MPPED1: variants seen among roughly 807,000 people sequenced by gnomAD.
MPPED1 encodes metallophosphoesterase domain containing 1.
In MPPED1, 16 loss-of-function variants were observed where a neutral mutation model predicts 36.2. The ratio of observed to expected loss-of-function variants is 0.44; its 90% CI spans 0.30 to 0.67. MPPED1 has a LOEUF of 0.67. Ranked by LOEUF, MPPED1 falls within the 30% of genes least tolerant of loss-of-function variation. The probability of loss-of-function intolerance (pLI) is 0.10; values close to 1 mark genes in which losing one functional copy is unlikely to be tolerated. For missense variants in MPPED1, 307 were observed against 453.4 expected (o/e 0.68, Z 2.93); for synonymous variants, 199 against 191.3 (o/e 1.04, Z -0.33).
Position 43,424,978 on chromosome 22 carries a change from G to A in MPPED1, c.-8G>A, listed in dbSNP as rs371888965. On this transcript the variant is annotated 5_prime_UTR_variant, in exon 2 of 7. Transcript: ENST00000443721. ...GGTGGGAGATGCCGGGGCGGCCGGC[G>A]GAGGTCCATGTGGCGCTCTAGGTGG... 176 of 1,579,500 alleles carry A rather than the reference G, an allele frequency of 1.1e-4. 1 individual carries two copies. In the Middle Eastern group the frequency reaches 1.2e-3, roughly 10 times the overall value.
intron 2 of MPPED1, among the ~76,000 whole-genome samples, chr22:43,428,566 G>A (rs1405802179): frequency 6.6e-6 from 1 of 152,208 alleles, no homozygotes; most frequent in Non-Finnish European, 1.5e-5. Context: ...TTCCCGACAT[G>A]TGATTTGTTG....
chr22:43,440,012 C>G lies in MPPED1; in HGVS notation c.406+4797C>G, dbSNP rs141844101. ...CTCGCCTTGCGGCGGGGGCGTGTCTCCTACCTCCACTGTCAGCCCCTGAAG... is the reference window on the plus strand; with the variant it reads ...CTCGCCTTGCGGCGGGGGCGTGTCTGCTACCTCCACTGTCAGCCCCTGAAG... On this transcript the variant is annotated intron_variant, in intron 3 of 6. Coordinates refer to ENST00000443721, the MANE Select transcript of MPPED1 (RefSeq NM_001044370.2). Among the ~76,000 whole-genome samples the G allele has an allele frequency of 8.8e-3, 1,347 of 152,342 alleles. 45 individuals are homozygous for G. In the South Asian group the frequency reaches 0.097, roughly 11 times the overall value.
At chr22:43,442,776 G>C (rs1242289080) in intron 3 of MPPED1, among the ~76,000 whole-genome samples, 1 of 152,192 alleles carries the variant, frequency 6.6e-6, no homozygotes, top group African/African-American at 2.4e-5. Context: ...ACCTCAATCA[G>C]ATGAGACCGT....
intron 4 of MPPED1, among the ~76,000 whole-genome samples, chr22:43,495,545 G>A (rs776021503): frequency 3.1e-5 from 4 of 129,420 alleles, no homozygotes; most frequent in South Asian, 2.6e-4. Flanking sequence ...GGAGATGGTG[G>A]TGGTGGAGAT....
chr22:43,442,554 A>T (rs76611014), intron 3 of MPPED1, among the ~76,000 whole-genome samples: 1,899 of 152,196 alleles, frequency 0.012, 44 homozygotes, highest in African/African-American at 0.044. Flanking sequence ...TTCTCTATGC[A>T]TGGAGGGTGC....
rs116015850 is a variant in MPPED1 at position 43,469,133 on chromosome 22, C to T, written c.407-5603C>T. ...CCTGCTTGGAGAACAGCTACTTTCCCGGGGTTCAGGTACTTCCTGTGGCTT... is the reference window on the plus strand; with the variant it reads ...CCTGCTTGGAGAACAGCTACTTTCCTGGGGTTCAGGTACTTCCTGTGGCTT... On this transcript the variant is annotated intron_variant, in intron 3 of 6. Transcript: ENST00000443721. Among the ~76,000 whole-genome samples the T allele has an allele frequency of 3.6e-3, 542 of 152,214 alleles. 6 individuals are homozygous for T. Among genetic ancestry groups the T allele is most frequent in the African/African-American group, 0.013 (520 of 41,526 alleles).
At chr22:43,433,742 C>T (rs1049533971) in intron 2 of MPPED1, among the ~76,000 whole-genome samples, 1 of 141,278 alleles carries the variant, frequency 7.1e-6, no homozygotes, top group African/African-American at 2.6e-5. Flanking sequence ...AATTAAATTT[C>T]TTCGAAGTAT....
intron 3 of MPPED1, among the ~76,000 whole-genome samples, chr22:43,448,989 T>C (rs1930462910): frequency 6.6e-6 from 1 of 151,746 alleles, no homozygotes; most frequent in Non-Finnish European, 1.5e-5. Flanking sequence ...CCCTGACTCT[T>C]TTTTTTTAGG....
At chr22:43,472,958 G>A (rs1418400061) in intron 3 of MPPED1, among the ~76,000 whole-genome samples, 1 of 133,878 alleles carries the variant, frequency 7.5e-6, no homozygotes, top group Non-Finnish European at 1.8e-5. Flanking sequence ...TCACGTAAGG[G>A]CTGGGGAGGC....
chr22:43,425,020 A>AGGC lies in MPPED1; in HGVS notation c.38_40dup (p.Ala13dup), dbSNP rs747859861. The AGGC allele has an allele frequency of 1.4e-5, 23 of 1,609,236 alleles. No individual in the cohort carries two copies. The African/African-American group carries it at 2.1e-4, about 15-fold the overall frequency. ...TCTAGGTGGGATGCCAGCGTCCTGA[A>AGGC]GGCGGAGGCCCTGGCCCTCCTCCCC... is the stretch of plus-strand genomic sequence containing the variant. On this transcript the variant is annotated inframe_insertion, in exon 2 of 7. Transcript: ENST00000443721.
At position 43,445,558 on chromosome 22, in the gene MPPED1, C is replaced by CTG. The variant is rs1408387752; in HGVS notation, c.406+10344_406+10345insGT. Among the ~76,000 whole-genome samples, 52 of 123,890 alleles carry CTG rather than the reference C, an allele frequency of 4.2e-4. 4 individuals carry two copies. The highest frequency in any genetic ancestry group is 7.7e-4 in the South Asian group (3 of 3,896). 81.3% of individuals were successfully genotyped at this position (123,890 alleles called of 152,430 possible). ...CTATATCTTTGCTGTCTGATGTTTC[C>CTG]TTTTTTTTTTTTTTTTTTTGCAGAC... On this transcript the variant is annotated intron_variant, in intron 3 of 6. Coordinates refer to ENST00000443721, the MANE Select transcript of MPPED1 (RefSeq NM_001044370.2).
At chr22:43,500,833 A>T (rs988819598) in intron 5 of MPPED1, among the ~76,000 whole-genome samples, 4 of 152,124 alleles carry the variant, frequency 2.6e-5, no homozygotes, top group Admixed American at 2.6e-4. Flanking sequence ...AGGAGTCAGG[A>T]GAGATGACTG....
At chr22:43,443,578 T>G (rs970973851) in intron 3 of MPPED1, among the ~76,000 whole-genome samples, 20 of 152,052 alleles carry the variant, frequency 1.3e-4, no homozygotes, top group African/African-American at 4.6e-4. Context: ...ACTTAGGGCC[T>G]GGCAGCCTGG....
Position 43,425,088 on chromosome 22 carries a change from G to T in MPPED1, c.103G>T (p.Ala35Ser), listed in dbSNP as rs753910152. Reference protein sequence around the residue: ...MAFSQSHVMAARRHQHSRLII... With the variant: ...MAFSQSHVMASRRHQHSRLII... Reference sequence around the variant, plus strand: ...ATTCTCCCAGTCCCACGTGATGGCCGCTCGGCGGCACCAGCACAGCCGGCT... The same window carrying T: ...ATTCTCCCAGTCCCACGTGATGGCCTCTCGGCGGCACCAGCACAGCCGGCT... Residue 35 changes from alanine to serine, a missense_variant, in exon 2 of 7, where the codon GCT becomes TCT. By Grantham distance (99) the Ala-to-Ser change is moderately conservative (BLOSUM62 1). Coordinates refer to ENST00000443721, the MANE Select transcript of MPPED1 (RefSeq NM_001044370.2). 4 of 1,613,744 alleles carry T rather than the reference G, an allele frequency of 2.5e-6. No individual in the cohort carries two copies. Among genetic ancestry groups the T allele is most frequent in the Non-Finnish European group, 3.4e-6 (4 of 1,179,880 alleles).
At chr22:43,438,785 C>T (rs747972421) in intron 3 of MPPED1, among the ~76,000 whole-genome samples, 10 of 152,196 alleles carry the variant, frequency 6.6e-5, no homozygotes, top group Non-Finnish European at 1.3e-4. Flanking sequence ...GATGGGACAG[C>T]GCTGGGCCTT....
intron 2 of MPPED1, among the ~76,000 whole-genome samples, chr22:43,429,508 G>A (rs944618584): frequency 1.1e-4 from 17 of 152,370 alleles, no homozygotes; most frequent in South Asian, 2.1e-4. Context: ...TGCCCTGTGA[G>A]CACTGACTCC....
chr22:43,465,228 G>T (rs767214680), intron 3 of MPPED1, among the ~76,000 whole-genome samples: 1 of 152,224 alleles, frequency 6.6e-6, no homozygotes, highest in Non-Finnish European at 1.5e-5. Flanking sequence ...TCCGTGGCAT[G>T]GGCCTTGAAG....
intron 6 of MPPED1, 138 bp from the exon 7 acceptor site, chr22:43,505,360 G>A: frequency 3.1e-6 from 2 of 645,064 alleles, no homozygotes; most frequent in East Asian, 5.5e-5. Flanking sequence ...ACAGATGAAG[G>A]GACTGACCTC....
At chr22:43,476,461 T>G (rs775526670) in intron 4 of MPPED1, among the ~76,000 whole-genome samples, 21 of 152,102 alleles carry the variant, frequency 1.4e-4, no homozygotes, top group Non-Finnish European at 2.5e-4. Context: ...AAGGAGCCCT[T>G]TAGAGGCACA....
Sources: gnomAD v4.1 joint callset for allele counts (sites outside exome capture counted in the v4.1 genomes callset) on GRCh38, gnomAD v4.1.1 for gene constraint, MANE v1.5 for transcripts, NCBI Gene and HGNC (gene_info 2026-07-23, HGNC 2026-07-21) for gene names.